Variants in STK17B observed in about 807,000 individuals in gnomAD.
STK17B encodes serine/threonine kinase 17b, also known as serine/threonine-protein kinase 17B.
In STK17B, 21 loss-of-function variants were observed where a neutral mutation model predicts 42.0. The observed-to-expected ratio is 0.50, with a 90% CI of 0.35 to 0.72. The LOEUF (loss-of-function observed/expected upper bound fraction) is 0.72. Among genes scored for constraint, STK17B ranks in the 30% least tolerant of loss-of-function variants. The pLI is 0.00. For missense variants in STK17B, 349 were observed against 446.0 expected (o/e 0.78, Z 1.96); for synonymous variants, 143 against 148.4 (o/e 0.96, Z 0.26).
At chr2:196,148,367 T>C (rs555413257) in intron 3 of STK17B, among the ~76,000 whole-genome samples, 1 of 152,226 alleles carries the variant, frequency 6.6e-6, no homozygotes, top group East Asian at 1.9e-4. Context: ...GTTTCAATGA[T>C]ACAAATCGTC....
rs143173710 is a variant in STK17B at position 196,156,754 on chromosome 2, A to G, written c.123-103T>C. 218 of 856,788 alleles carry G rather than the reference A, an allele frequency of 2.5e-4. No individual in the cohort carries two copies. The East Asian group carries it at 5.0e-3, about 20-fold the overall frequency. The allele number at this position is 856,788 out of a possible 1,614,324, so 53.1% of individuals were successfully genotyped here. A position where few individuals can be genotyped will look rare whatever the true frequency, so the allele number is the denominator to read the frequency against. On this transcript the variant is annotated intron_variant, in intron 2 of 7. Transcript: ENST00000263955. ...TCCAACTTAAAGTCAATTCTTTGAAATATCTGTGTCATTAGGAATTTATCT... is the reference window on the plus strand; with the variant it reads ...TCCAACTTAAAGTCAATTCTTTGAAGTATCTGTGTCATTAGGAATTTATCT...
chr2:196,142,256 C>T (rs1220243969), intron 5 of STK17B, among the ~76,000 whole-genome samples: 4 of 152,090 alleles, frequency 2.6e-5, no homozygotes, highest in Non-Finnish European at 5.9e-5. Context: ...TGGGGTTTCA[C>T]CATGTTGGTC....
chr2:196,149,803 T>C (rs1287977107), intron 3 of STK17B, among the ~76,000 whole-genome samples: 2 of 152,336 alleles, frequency 1.3e-5, no homozygotes, highest in Admixed American at 6.5e-5. Flanking sequence ...CCCTTTTCTG[T>C]ATCTCCTAAA....
chr2:196,163,990 G>C (rs1699845193), intron 1 of STK17B, among the ~76,000 whole-genome samples: 1 of 151,978 alleles, frequency 6.6e-6, no homozygotes, highest in Non-Finnish European at 1.5e-5. Context: ...AGTGAGCTAT[G>C]AATGTGCTAC....
chr2:196,161,496 G>A (rs1001971831), intron 2 of STK17B, among the ~76,000 whole-genome samples: 2 of 144,048 alleles, frequency 1.4e-5, no homozygotes, highest in African/African-American at 5.1e-5. Flanking sequence ...GGTCAGTGAG[G>A]TAGATATTAT....
chr2:196,162,851 C>T (rs1575185482), intron 2 of STK17B, among the ~76,000 whole-genome samples: 2 of 152,160 alleles, frequency 1.3e-5, no homozygotes, highest in East Asian at 1.9e-4. Flanking sequence ...GATCATGTCA[C>T]TGCACTCCAG....
chr2:196,154,780 C>T (rs1699717056), intron 3 of STK17B: 1 of 152,202 alleles, frequency 6.6e-6, no homozygotes, highest in African/African-American at 2.4e-5. Flanking sequence ...CTAAATGTGA[C>T]AATGCCACCC....
chr2:196,164,038 C>T (rs80220776), intron 1 of STK17B, among the ~76,000 whole-genome samples: 2,817 of 146,188 alleles, frequency 0.019, 78 homozygotes, highest in South Asian at 0.046. Flanking sequence ...GATCTTATCT[C>T]AATAAATAAA....
At chr2:196,156,310 T>C (rs1367778218) in intron 3 of STK17B, 129 bp downstream of exon 3, 1 of 779,736 alleles carries the variant, frequency 1.3e-6, no homozygotes, top group Non-Finnish European at 2.0e-6. Context: ...GAATATAAAT[T>C]AGGTCCCTTT....
At chr2:196,140,440 T>C (rs888120200) in intron 6 of STK17B, among the ~76,000 whole-genome samples, 2 of 151,688 alleles carry the variant, frequency 1.3e-5, no homozygotes, top group Non-Finnish European at 1.5e-5. Flanking sequence ...CCAGTATCAG[T>C]TCTGGTTCTA....
At position 196,153,392 on chromosome 2, in the gene STK17B, G is replaced by C. The variant is rs528385036; in HGVS notation, c.335+3047C>G. On this transcript the variant is annotated intron_variant, in intron 3 of 7. Coordinates refer to ENST00000263955, the MANE Select transcript of STK17B (RefSeq NM_004226.4). ...CTGAGAACCTGGGTTTTCACTGTGA[G>C]AGAGGGGAGATGCATATATAGAATG... 4 of 152,244 alleles carry C rather than the reference G, an allele frequency of 2.6e-5. No homozygotes were observed. The South Asian group carries it at 8.3e-4, about 32-fold the overall frequency. The allele number at this position is 152,244 out of a possible 1,614,324, so 9.4% of individuals were successfully genotyped here.
At chr2:196,159,201 AAC>A (rs1235752688) in intron 2 of STK17B, among the ~76,000 whole-genome samples, 1 of 152,106 alleles carries the variant, frequency 6.6e-6, no homozygotes, top group African/African-American at 2.4e-5. Flanking sequence ...CATCTGAAAA[AAC>A]AGTTTATAGT....
intron 2 of STK17B, 32 bp downstream of exon 2, chr2:196,163,230 T>C (rs780216632): frequency 6.2e-7 from 1 of 1,601,744 alleles, no homozygotes; most frequent in Non-Finnish European, 8.5e-7. Context: ...AATTTGAATT[T>C]AGATGGCATA....
intron 4 of STK17B, among the ~76,000 whole-genome samples, chr2:196,144,715 C>A (rs1348835186): frequency 1.3e-5 from 2 of 152,050 alleles, no homozygotes; most frequent in Non-Finnish European, 2.9e-5. Context: ...CCTCCTAAAA[C>A]CACGTGACTT....
rs114735961 is a variant in STK17B, at chr2:196,164,764, C to T, written c.-44-1337G>A. The stretch of plus-strand genomic sequence containing the variant: ...CTTGGTGTTATTCTCAAATTATGAA[C>T]GCGTCACTGCAGTTCAGCCTGGGCG... On this transcript the variant is annotated intron_variant, in intron 1 of 7. Coordinates refer to ENST00000263955, the MANE Select transcript of STK17B (RefSeq NM_004226.4). 6.4e-3 allele frequency among the ~76,000 whole-genome samples: 967 copies of T among 152,204 alleles called. 5 individuals carry two copies. Among genetic ancestry groups the T allele is most frequent in the Non-Finnish European group, 9.2e-3 (623 of 68,014 alleles).
rs1490547340 is a variant in STK17B at position 196,134,734 on chromosome 2, A to C, written c.*2713T>G. On this transcript the variant is annotated 3_prime_UTR_variant, in exon 8 of 8. Transcript: ENST00000263955. Reference sequence around the variant, plus strand: ...TCCCATCTATTTAGGGATCCTACCCAAAAAGCAAATTTAACTTTAAATTAT... The same window carrying C: ...TCCCATCTATTTAGGGATCCTACCCCAAAAGCAAATTTAACTTTAAATTAT... 1.3e-5 allele frequency: 2 copies of C among 152,230 alleles called. No individual in the cohort carries two copies. The highest frequency in any genetic ancestry group is 4.8e-5 in the African/African-American group (2 of 41,466). 9.4% of individuals were successfully genotyped at this position (152,230 alleles called of 1,614,324 possible).
At position 196,156,355 on chromosome 2, in the gene STK17B, G is replaced by C. The variant is rs1699737746; in HGVS notation, c.335+84C>G. 2.6e-6 allele frequency: 3 copies of C among 1,142,012 alleles called. No individual in the cohort carries two copies. The Admixed American group carries it at 9.1e-5, about 35-fold the overall frequency. The allele number at this position is 1,142,012 out of a possible 1,614,324, so 70.7% of individuals were successfully genotyped here. A position where few individuals can be genotyped will look rare whatever the true frequency, so the allele number is the denominator to read the frequency against. ...TTAACAGGAATCTTTACAAGTTCTTGTCACACCTTTATCATTCTTATTCTT... is the reference window on the plus strand; with the variant it reads ...TTAACAGGAATCTTTACAAGTTCTTCTCACACCTTTATCATTCTTATTCTT... On this transcript the variant is annotated intron_variant, in intron 3 of 7. Coordinates refer to ENST00000263955, the MANE Select transcript of STK17B (RefSeq NM_004226.4).
chr2:196,148,360 T>C (rs1443914825), intron 3 of STK17B, among the ~76,000 whole-genome samples: 2 of 152,202 alleles, frequency 1.3e-5, no homozygotes, highest in Non-Finnish European at 1.5e-5. Context: ...CTGTTTAGTT[T>C]CAATGATACA....
intron 1 of STK17B, among the ~76,000 whole-genome samples, chr2:196,163,739 A>G (rs749211119): frequency 2.2e-4 from 34 of 152,156 alleles, no homozygotes; most frequent in Non-Finnish European, 4.9e-4. Context: ...TCCATTCTTT[A>G]AAGTTATAGA....
Sources: gnomAD v4.1 joint callset for allele counts (sites outside exome capture counted in the v4.1 genomes callset) on GRCh38, gnomAD v4.1.1 for gene constraint, MANE v1.5 for transcripts, NCBI Gene and HGNC (gene_info 2026-07-23, HGNC 2026-07-21) for gene names.